Variants in CPNE4 observed in about 807,000 individuals in gnomAD.
CPNE4 encodes copine-4.
In CPNE4, 25 loss-of-function variants were observed where a neutral mutation model predicts 67.9. The observed-to-expected ratio is 0.37, with a 90% confidence interval of 0.27 to 0.51. The LOEUF (loss-of-function observed/expected upper bound fraction) is 0.51, where lower values mean the gene tolerates loss of function less well. Among genes scored for constraint, CPNE4 ranks in the 20% least tolerant of loss-of-function variants. The pLI is 0.93. For synonymous variants in CPNE4, 242 were observed against 244.9 expected, an observed-to-expected ratio of 0.99 and a Z score of 0.11; for missense variants, 464 against 690.8, an observed-to-expected ratio of 0.67 and a Z score of 3.68.
intron 2 of CPNE4, among the ~76,000 whole-genome samples, chr3:131,814,107 T>C (rs745395427): frequency 1.3e-5 from 2 of 152,200 alleles, no homozygotes; most frequent in Non-Finnish European, 2.9e-5. Context: ...GGCACCTATA[T>C]ACATGGGGGC....
intron 1 of CPNE4, among the ~76,000 whole-genome samples, chr3:131,926,084 TA>T (rs1397411365): frequency 6.6e-6 from 1 of 152,064 alleles, no homozygotes; most frequent in African/African-American, 2.4e-5. Flanking sequence ...TTTTTAAAGG[TA>T]AGTAATAAGA....
intron 7 of CPNE4, among the ~76,000 whole-genome samples, chr3:131,631,307 C>T (rs57412559): frequency 0.28 from 41,917 of 152,010 alleles, 9,498 homozygotes; most frequent in African/African-American, 0.63. Flanking sequence ...TTCCCCAATC[C>T]AATCCCCATC....
At chr3:131,931,479 T>C (rs2071058933) in intron 1 of CPNE4, among the ~76,000 whole-genome samples, 1 of 152,142 alleles carries the variant, frequency 6.6e-6, no homozygotes, top group East Asian at 1.9e-4. Context: ...GTTTGGAGAC[T>C]GTGTTTTAGG....
chr3:131,737,116 T>A (rs1236377084), intron 2 of CPNE4, among the ~76,000 whole-genome samples: 1 of 18,618 alleles, frequency 5.4e-5, no homozygotes, highest in African/African-American at 1.6e-4. Flanking sequence ...GTATTGTGTC[T>A]TTTTTTTTTT....
chr3:131,964,487 A>C (rs940576013), intron 1 of CPNE4, among the ~76,000 whole-genome samples: 3 of 152,038 alleles, frequency 2.0e-5, no homozygotes, highest in African/African-American at 7.2e-5. Flanking sequence ...AAAAGGTTAC[A>C]GGAACTGCTA....
Position 131,738,299 on chromosome 3 carries a change from T to C in CPNE4, c.181-14674A>G, listed in dbSNP as rs1466997906. 2.0e-5 allele frequency among the ~76,000 whole-genome samples: 3 copies of C among 152,266 alleles called. No homozygotes were observed. In the East Asian group the frequency reaches 5.8e-4, roughly 29 times the overall value. On this transcript the variant is annotated intron_variant, in intron 2 of 15. Transcript: ENST00000429747. ...CTCTTCATTGTGATAGTAAGAGCAG[T>C]TCTGCAATCCCATTATACACATCTT...
At chr3:132,016,160 A>G (rs1376361682) in intron 1 of CPNE4, among the ~76,000 whole-genome samples, 1 of 152,210 alleles carries the variant, frequency 6.6e-6, no homozygotes. Context: ...ATTCACTAGC[A>G]CGCCACGTAT....
In CPNE4 at chr3:131,912,366, G is replaced by A. The variant is rs997217057; in HGVS notation, c.-1-6922C>T. On this transcript the variant is annotated intron_variant, in intron 1 of 15. Transcript: ENST00000429747. ...TTCACAGGGGAACCAACTGAGCAGA[G>A]CTTGTCTTAAGACTGTGTCAAGAAT... Among the ~76,000 whole-genome samples, 4 of 152,114 alleles carry A rather than the reference G, an allele frequency of 2.6e-5. No individual in the cohort carries two copies. In the South Asian group the frequency reaches 8.3e-4, roughly 32 times the overall value.
At chr3:131,845,848 G>GA (rs1560451415) in intron 2 of CPNE4, among the ~76,000 whole-genome samples, 3 of 152,074 alleles carry the variant, frequency 2.0e-5, no homozygotes, top group African/African-American at 7.2e-5. Context: ...GACACTAGAG[G>GA]AAAAAAATTC....
At chr3:131,616,307 G>A (rs1365517855) in intron 7 of CPNE4, among the ~76,000 whole-genome samples, 1 of 152,198 alleles carries the variant, frequency 6.6e-6, no homozygotes, top group African/African-American at 2.4e-5. Context: ...AACCTCTGCT[G>A]CCTAGGAGGT....
chr3:132,034,944 C>A lies in CPNE4; in HGVS notation c.-379G>T. On this transcript the variant is annotated 5_prime_UTR_variant, in exon 1 of 16. Transcript: ENST00000429747. Reference sequence around the variant, plus strand: ...CGAGGGAGGAAGGAAAGGAGGGTGGCAGAAAGAGAAGGGGACGAGCGGGTG... The same window carrying A: ...CGAGGGAGGAAGGAAAGGAGGGTGGAAGAAAGAGAAGGGGACGAGCGGGTG... The A allele has an allele frequency of 1.0e-6, 1 of 985,338 alleles. No homozygotes were observed. Among genetic ancestry groups the A allele is most frequent in the African/African-American group, 1.7e-5 (1 of 57,250 alleles). 61.0% of individuals were successfully genotyped at this position (985,338 alleles called of 1,614,324 possible).
At chr3:132,003,523 G>A (rs941237049) in intron 1 of CPNE4, among the ~76,000 whole-genome samples, 1 of 151,922 alleles carries the variant, frequency 6.6e-6, no homozygotes, top group Non-Finnish European at 1.5e-5. Context: ...GCCCTTGACA[G>A]CTGAGGGCCC....
chr3:131,604,895 G>T (rs1939409819), intron 7 of CPNE4, among the ~76,000 whole-genome samples: 1 of 152,106 alleles, frequency 6.6e-6, no homozygotes, highest in African/African-American at 2.4e-5. Flanking sequence ...TTCTTGTAAA[G>T]TACCCTGTAT....
chr3:131,969,998 C>T (rs186047002), intron 1 of CPNE4, among the ~76,000 whole-genome samples: 1 of 152,290 alleles, frequency 6.6e-6, no homozygotes, highest in African/African-American at 2.4e-5. Context: ...TGCTTGTGTT[C>T]ATAATTGGTG....
chr3:131,612,269 G>A (rs1002394322), intron 7 of CPNE4, among the ~76,000 whole-genome samples: 2 of 152,264 alleles, frequency 1.3e-5, no homozygotes, highest in East Asian at 3.9e-4. Flanking sequence ...AGCTACTCAG[G>A]AGGCTGAGGC....
At chr3:131,871,465 T>C (rs760813719) in intron 2 of CPNE4, among the ~76,000 whole-genome samples, 3 of 151,644 alleles carry the variant, frequency 2.0e-5, no homozygotes, top group African/African-American at 7.3e-5. Context: ...CTGAGCAGAG[T>C]TGCTGACATC....
chr3:131,912,152 T>G (rs917411668), intron 1 of CPNE4, among the ~76,000 whole-genome samples: 1 of 152,232 alleles, frequency 6.6e-6, no homozygotes, highest in Non-Finnish European at 1.5e-5. Flanking sequence ...AGCTGACTTT[T>G]GGCCAATTTT....
intron 9 of CPNE4, among the ~76,000 whole-genome samples, chr3:131,580,071 A>T (rs1332561851): frequency 6.6e-6 from 1 of 152,140 alleles, no homozygotes; most frequent in Non-Finnish European, 1.5e-5. Flanking sequence ...TCTTATTTTT[A>T]AAAGTTACCT....
Position 131,907,498 on chromosome 3 carries a change from A to C in CPNE4, c.-1-2054T>G, listed in dbSNP as rs371308304. 3.0e-4 allele frequency among the ~76,000 whole-genome samples: 20 copies of C among 66,184 alleles called. 1 individual carries two copies. The highest frequency in any genetic ancestry group is 1.2e-3 in the African/African-American group (17 of 14,638). The allele number at this position is 66,184 out of a possible 152,430, so 43.4% of individuals were successfully genotyped here. The stretch of plus-strand genomic sequence containing the variant: ...GCTATGCCTCAGCATTACGCATCAC[A>C]CAGACACACACACACACACACTCAA... On this transcript the variant is annotated intron_variant, in intron 1 of 15. Coordinates refer to ENST00000429747, the MANE Select transcript of CPNE4 (RefSeq NM_130808.3).
Sources: gnomAD v4.1 joint callset for allele counts (sites outside exome capture counted in the v4.1 genomes callset) on GRCh38, gnomAD v4.1.1 for gene constraint, MANE v1.5 for transcripts, NCBI Gene and HGNC (gene_info 2026-07-23, HGNC 2026-07-21) for gene names.